Variants in RBFOX1 observed in about 807,000 individuals in gnomAD.
RBFOX1 encodes the protein RNA binding fox-1 homolog 1.
RBFOX1 carries 8 observed loss-of-function variants against 57.7 expected under a neutral mutation model. The ratio of observed to expected loss-of-function variants is 0.14; its 90% CI spans 0.08 to 0.25. The LOEUF is 0.25. Ranked by LOEUF, RBFOX1 falls within the 10% of genes least tolerant of loss-of-function variation. The pLI, the probability that RBFOX1 is intolerant of heterozygous loss-of-function variation, is 1.00. For synonymous variants in RBFOX1, 326 were observed against 222.4 expected (o/e 1.47, Z -4.15); for missense variants, 611 against 548.5 (o/e 1.11, Z -1.14).
rs183058591 is a variant in RBFOX1, at chr16:6,469,304, G to A, written c.-64+152247G>A. ...TCTCACAAGCCAGTGACTTTCTCAAGTTACAACCAAGGTATGGGATTCAAA... is the reference window on the plus strand; with the variant it reads ...TCTCACAAGCCAGTGACTTTCTCAAATTACAACCAAGGTATGGGATTCAAA... On this transcript the variant is annotated intron_variant, in intron 2 of 15. Coordinates refer to ENST00000550418, the MANE Select transcript of RBFOX1 (RefSeq NM_018723.4). Among the ~76,000 whole-genome samples the A allele has an allele frequency of 2.0e-5, 3 of 152,278 alleles. No homozygotes were observed. In the East Asian group the frequency reaches 5.8e-4, roughly 29 times the overall value.
At chr16:6,504,292 A>G (rs890266542) in intron 2 of RBFOX1, among the ~76,000 whole-genome samples, 6 of 152,160 alleles carry the variant, frequency 3.9e-5, no homozygotes, top group African/African-American at 1.4e-4. Context: ...TTTGCTTTGG[A>G]TTAAAGGCAC....
At chr16:6,924,912 C>T (rs2075256405) in intron 3 of RBFOX1, among the ~76,000 whole-genome samples, 1 of 144,386 alleles carries the variant, frequency 6.9e-6, no homozygotes, top group Admixed American at 7.2e-5. Context: ...TGTTCAATTC[C>T]TACCTATGAG....
intron 4 of RBFOX1, among the ~76,000 whole-genome samples, chr16:7,180,957 C>T (rs1555538697): frequency 6.6e-6 from 1 of 152,198 alleles, no homozygotes; most frequent in Non-Finnish European, 1.5e-5. Flanking sequence ...CACAACTACT[C>T]AGCTTTGCAG....
intron 1 of RBFOX1, among the ~76,000 whole-genome samples, chr16:5,242,025 G>C (rs2062180758): frequency 6.6e-6 from 1 of 152,058 alleles, no homozygotes; most frequent in South Asian, 2.1e-4. Context: ...TGAGGTGGGA[G>C]GATTGCTAGA....
At chr16:7,492,075 A>G (rs930536978) in intron 4 of RBFOX1, among the ~76,000 whole-genome samples, 2 of 152,264 alleles carry the variant, frequency 1.3e-5, no homozygotes, top group African/African-American at 4.8e-5. Flanking sequence ...AACGAGCTCA[A>G]TTTTCAGCAT....
chr16:5,408,744 C>T (rs2066930269), intron 1 of RBFOX1, among the ~76,000 whole-genome samples: 1 of 152,214 alleles, frequency 6.6e-6, no homozygotes, highest in Non-Finnish European at 1.5e-5. Flanking sequence ...AGCTTTCAGT[C>T]ATGGCAGAAG....
intron 1 of RBFOX1, among the ~76,000 whole-genome samples, chr16:5,272,712 G>T (rs1264549592): frequency 6.6e-6 from 1 of 152,126 alleles, no homozygotes; most frequent in Non-Finnish European, 1.5e-5. Context: ...CTTGGTGTTG[G>T]CCAACTCATT....
chr16:7,348,126 T>G (rs999935903), intron 4 of RBFOX1, among the ~76,000 whole-genome samples: 2 of 152,220 alleles, frequency 1.3e-5, no homozygotes, highest in Non-Finnish European at 2.9e-5. Context: ...TACCATAAAA[T>G]TAATGTGGGC....
intron 3 of RBFOX1, among the ~76,000 whole-genome samples, chr16:5,723,450 C>G (rs925598113): frequency 1.1e-5 from 1 of 87,320 alleles, no homozygotes; most frequent in Non-Finnish European, 2.5e-5. Context: ...GACCTTTGGT[C>G]TAAGGCTGAG....
chr16:6,740,894 A>C (rs573899527), intron 3 of RBFOX1, among the ~76,000 whole-genome samples: 1 of 152,226 alleles, frequency 6.6e-6, no homozygotes, highest in Non-Finnish European at 1.5e-5. Context: ...ATAGAAAAGC[A>C]AAGAAACTAG....
At chr16:6,012,163 A>G (rs1308141872) in intron 4 of RBFOX1, among the ~76,000 whole-genome samples, 1 of 152,140 alleles carries the variant, frequency 6.6e-6, no homozygotes, top group African/African-American at 2.4e-5. Context: ...ATTGCTTACT[A>G]CCTTGGCGAC....
At chr16:6,937,580 G>A (rs1043913858) in intron 3 of RBFOX1, among the ~76,000 whole-genome samples, 1 of 152,120 alleles carries the variant, frequency 6.6e-6, no homozygotes, top group South Asian at 2.1e-4. Flanking sequence ...ATTTTAGGGA[G>A]ATGTGAGGCA....
At chr16:6,664,800 T>G (rs1439749403) in intron 3 of RBFOX1, among the ~76,000 whole-genome samples, 3 of 152,134 alleles carry the variant, frequency 2.0e-5, no homozygotes, top group African/African-American at 7.2e-5. Context: ...CTAATTTATT[T>G]CAAAAGGCAA....
intron 1 of RBFOX1, among the ~76,000 whole-genome samples, chr16:6,223,318 C>G (rs1368046367): frequency 3.3e-5 from 5 of 150,676 alleles, no homozygotes; most frequent in Admixed American, 6.6e-5. Flanking sequence ...GTCCCAACAA[C>G]AGTGTAAAAG....
chr16:6,168,338 C>A (rs2096933004), intron 1 of RBFOX1, among the ~76,000 whole-genome samples: 1 of 152,252 alleles, frequency 6.6e-6, no homozygotes, highest in Non-Finnish European at 1.5e-5. Context: ...TCAACTTGTG[C>A]TTGTTTTCCT....
At chr16:6,649,622 T>C (rs2098561853) in intron 2 of RBFOX1, among the ~76,000 whole-genome samples, 2 of 152,222 alleles carry the variant, frequency 1.3e-5, no homozygotes, top group South Asian at 2.1e-4. Context: ...AATGTTTCGT[T>C]TTCCATTCGT....
intron 1 of RBFOX1, among the ~76,000 whole-genome samples, chr16:5,432,505 C>T (rs1234821683): frequency 6.7e-6 from 1 of 148,506 alleles, no homozygotes; most frequent in East Asian, 2.0e-4. Flanking sequence ...TCTATGATTT[C>T]CCAATTTATC....
At chr16:7,426,792 G>T (rs2098620083) in intron 4 of RBFOX1, among the ~76,000 whole-genome samples, 1 of 152,214 alleles carries the variant, frequency 6.6e-6, no homozygotes, top group Non-Finnish European at 1.5e-5. Context: ...TACACCTACA[G>T]GGGTGTAAGC....
intron 3 of RBFOX1, among the ~76,000 whole-genome samples, chr16:7,038,993 T>C (rs2045352157): frequency 1.3e-5 from 2 of 152,102 alleles, no homozygotes; most frequent in African/African-American, 4.8e-5. Flanking sequence ...GCCAGAGCAG[T>C]GACTCTCTTG....
Sources: gnomAD v4.1 joint callset for allele counts (sites outside exome capture counted in the v4.1 genomes callset) on GRCh38, gnomAD v4.1.1 for gene constraint, MANE v1.5 for transcripts, NCBI Gene and HGNC (gene_info 2026-07-23, HGNC 2026-07-21) for gene names.